C6orf52: variants seen among roughly 807,000 people sequenced by gnomAD.
C6orf52 encodes the protein putative uncharacterized protein C6orf52.
A neutral mutation model predicts 16.6 loss-of-function variants in C6orf52; 16 were observed. The ratio of observed to expected loss-of-function variants is 0.96; its 90% confidence interval spans 0.65 to 1.46. C6orf52 has a LOEUF of 1.46. Among genes scored for constraint, C6orf52 ranks in the 40% most tolerant of loss-of-function variants. The pLI, the probability that C6orf52 is intolerant of heterozygous loss-of-function variation, is 0.00. For missense variants in C6orf52, 166 were observed against 182.3 expected (o/e 0.91, Z 0.52); for synonymous variants, 53 against 61.4 (o/e 0.86, Z 0.64).
At chr6:10,679,511 C>A (rs778428997) in intron 4 of C6orf52, among the ~76,000 whole-genome samples, 7 of 147,798 alleles carry the variant, frequency 4.7e-5, no homozygotes, top group Non-Finnish European at 1.0e-4. Context: ...ATACCGTTTG[C>A]GAAAATGGCA....
At chr6:10,680,207 G>C (rs867750960) in intron 4 of C6orf52, among the ~76,000 whole-genome samples, 20 of 151,824 alleles carry the variant, frequency 1.3e-4, no homozygotes, top group South Asian at 6.2e-4. Flanking sequence ...CCGAGATCAC[G>C]GCACTGCACT....
intron 4 of C6orf52, among the ~76,000 whole-genome samples, chr6:10,675,036 C>G (rs944894140): frequency 6.6e-5 from 10 of 152,126 alleles, no homozygotes; most frequent in African/African-American, 2.4e-4. Flanking sequence ...GTCTCAAACT[C>G]TTGACCTCGT....
chr6:10,694,612 A>AT lies in C6orf52; in HGVS notation c.-131_-130insA. The AT allele has an allele frequency of 2.7e-5, 5 of 183,292 alleles. No individual in the cohort carries two copies. The highest frequency in any genetic ancestry group is 9.7e-5 in the South Asian group (1 of 10,266). The allele number at this position is 183,292 out of a possible 1,614,324, so 11.4% of individuals were successfully genotyped here. The stretch of plus-strand genomic sequence containing the variant: ...CTACAGCCCCTAAGCAACCGGCCGG[A>AT]AGTCGGCCCCACCTCCTCCTGATGT... On this transcript the variant is annotated 5_prime_UTR_variant, in exon 1 of 5. Transcript: ENST00000259983.
chr6:10,690,311 T>C (rs537262639), intron 1 of C6orf52, among the ~76,000 whole-genome samples: 1 of 152,250 alleles, frequency 6.6e-6, no homozygotes, highest in South Asian at 2.1e-4. Flanking sequence ...CTCCCATGAA[T>C]CAGGTGAAGC....
At position 10,677,994 on chromosome 6, in the gene C6orf52, A is replaced by G. The variant is rs141554297; in HGVS notation, c.316+5193T>C. 9.1e-3 allele frequency among the ~76,000 whole-genome samples: 1,382 copies of G among 151,950 alleles called. 15 individuals carry two copies. Among genetic ancestry groups the G allele is most frequent in the African/African-American group, 0.031 (1,303 of 41,442 alleles). ...GGAGTTCAAGACCAGCCTGGCCAACATGGAGAAGCCCCATCTCTACTAAAA... is the reference window on the plus strand; with the variant it reads ...GGAGTTCAAGACCAGCCTGGCCAACGTGGAGAAGCCCCATCTCTACTAAAA... On this transcript the variant is annotated intron_variant, in intron 4 of 4. Coordinates refer to ENST00000259983, the MANE Select transcript of C6orf52 (RefSeq NM_001145020.3).
chr6:10,688,856 G>A (rs1445797305), intron 1 of C6orf52, among the ~76,000 whole-genome samples: 1 of 152,202 alleles, frequency 6.6e-6, no homozygotes, highest in Non-Finnish European at 1.5e-5. Flanking sequence ...CTGTCACCCA[G>A]GCTGGAGTAC....
At chr6:10,686,933 G>A (rs779420449) in intron 3 of C6orf52, 33 bp downstream of exon 3, 20 of 1,446,918 alleles carry the variant, frequency 1.4e-5, no homozygotes, top group African/African-American at 2.8e-5. Flanking sequence ...TTGGGCACAC[G>A]AATGACACAA....
chr6:10,673,722 G>A (rs1767623632), intron 4 of C6orf52, among the ~76,000 whole-genome samples: 1 of 152,090 alleles, frequency 6.6e-6, no homozygotes, highest in South Asian at 2.1e-4. Context: ...ACATTTAAAA[G>A]TCAAGATGGT....
chr6:10,677,003 G>C (rs1280729508), intron 4 of C6orf52, among the ~76,000 whole-genome samples: 1 of 152,184 alleles, frequency 6.6e-6, no homozygotes, highest in African/African-American at 2.4e-5. Context: ...TTGCTGTACA[G>C]AAGCTTTTTA....
intron 1 of C6orf52, among the ~76,000 whole-genome samples, chr6:10,689,505 T>C (rs549745145): frequency 6.6e-6 from 1 of 152,364 alleles, no homozygotes; most frequent in African/African-American, 2.4e-5. Flanking sequence ...AATTCTGATT[T>C]CACTTGGGCT....
intron 3 of C6orf52, among the ~76,000 whole-genome samples, chr6:10,685,599 C>T (rs58147573): frequency 0.053 from 8,013 of 152,146 alleles, 660 homozygotes; most frequent in African/African-American, 0.18. Flanking sequence ...GGGGGAAGTC[C>T]GTAACATTTA....
intron 4 of C6orf52, among the ~76,000 whole-genome samples, chr6:10,680,487 G>A (rs1768284075): frequency 1.3e-5 from 2 of 152,210 alleles, no homozygotes; most frequent in East Asian, 1.9e-4. Flanking sequence ...TTTTCTTGTT[G>A]TGTCCTTTTC....
chr6:10,684,842 GGCT>G, intron 3 of C6orf52: 4 of 1,288,896 alleles, frequency 3.1e-6, no homozygotes, highest in Non-Finnish European at 4.0e-6. Context: ...CCACCACAGA[GGCT>G]TACCATCTTT....
chr6:10,676,777 C>G (rs1272353673), intron 4 of C6orf52, among the ~76,000 whole-genome samples: 1 of 152,178 alleles, frequency 6.6e-6, no homozygotes, highest in Non-Finnish European at 1.5e-5. Context: ...AGGCCTGTTT[C>G]CTGTCACACA....
chr6:10,671,944 A>T (rs1767459429), intron 4 of C6orf52, among the ~76,000 whole-genome samples: 1 of 152,240 alleles, frequency 6.6e-6, no homozygotes, highest in East Asian at 1.9e-4. Flanking sequence ...CCAGATAGAT[A>T]CAATGCCAAA....
intron 4 of C6orf52, among the ~76,000 whole-genome samples, chr6:10,678,519 CAG>C (rs1393851038): frequency 1.3e-5 from 2 of 152,150 alleles, no homozygotes; most frequent in Non-Finnish European, 2.9e-5. Context: ...AGTTTTTTGG[CAG>C]AGTCTGTAGG....
At chr6:10,687,300 G>C in intron 2 of C6orf52, 136 bp from the exon 3 acceptor site, 1 of 787,234 alleles carries the variant, frequency 1.3e-6, no homozygotes, top group Non-Finnish European at 2.1e-6. Context: ...GTAGATGACG[G>C]GTTGATGGGT....
At chr6:10,692,936 C>T (rs1027186758) in intron 1 of C6orf52, among the ~76,000 whole-genome samples, 2 of 152,220 alleles carry the variant, frequency 1.3e-5, no homozygotes, top group East Asian at 3.8e-4. Flanking sequence ...GTGGACAAAG[C>T]TGGCAGATGA....
intron 3 of C6orf52, among the ~76,000 whole-genome samples, chr6:10,684,006 G>C (rs1768634964): frequency 6.6e-6 from 1 of 152,214 alleles, no homozygotes; most frequent in Non-Finnish European, 1.5e-5. Flanking sequence ...AGAAGATACT[G>C]AGAGCCAAAG....
Sources: allele counts gnomAD v4.1 joint callset (sites outside exome capture counted in the v4.1 genomes callset), GRCh38; gene constraint gnomAD v4.1.1; transcripts MANE v1.5; gene names NCBI Gene and HGNC (gene_info 2026-07-23, HGNC 2026-07-21).